Variants in FILIP1L observed in about 807,000 individuals in gnomAD.
The protein encoded by FILIP1L is filamin A-interacting protein 1-like.
In FILIP1L, 55 loss-of-function variants were observed where a neutral mutation model predicts 96.6. The ratio of observed to expected loss-of-function variants is 0.57; its 90% CI spans 0.46 to 0.71. The LOEUF (loss-of-function observed/expected upper bound fraction) is 0.71. Ranked by LOEUF, FILIP1L falls within the 30% of genes least tolerant of loss-of-function variation. The pLI is 0.00. For synonymous variants in FILIP1L, 467 were observed against 473.9 expected (o/e 0.99, Z 0.19); for missense variants, 1,304 against 1,321.2 (o/e 0.99, Z 0.20).
chr3:100,005,200 C>T (rs1055493610), intron 1 of FILIP1L, among the ~76,000 whole-genome samples: 2 of 152,134 alleles, frequency 1.3e-5, no homozygotes, highest in Non-Finnish European at 2.9e-5. Context: ...TGTATAGCAC[C>T]TTGTATTGTT....
At chr3:100,011,077 G>A (rs576060670) in intron 1 of FILIP1L, among the ~76,000 whole-genome samples, 1 of 152,260 alleles carries the variant, frequency 6.6e-6, no homozygotes, top group South Asian at 2.1e-4. Context: ...CTTGTGGTCT[G>A]TGATAATAGA....
chr3:99,952,361 C>T (rs1053042793), intron 1 of FILIP1L, among the ~76,000 whole-genome samples: 1 of 152,272 alleles, frequency 6.6e-6, no homozygotes, highest in Non-Finnish European at 1.5e-5. Flanking sequence ...ACATTTTCCT[C>T]AGCTGTTCTT....
intron 1 of FILIP1L, among the ~76,000 whole-genome samples, chr3:99,974,219 T>C (rs1708902747): frequency 6.6e-6 from 1 of 152,250 alleles, no homozygotes; most frequent in Non-Finnish European, 1.5e-5. Context: ...GAAGGACTTG[T>C]CGTTTTTATC....
chr3:99,908,825 A>G (rs139295068), intron 4 of FILIP1L, among the ~76,000 whole-genome samples: 300 of 152,162 alleles, frequency 2.0e-3, no homozygotes, highest in African/African-American at 6.8e-3. Flanking sequence ...TATTTTTTGT[A>G]TAGAATATAC....
chr3:100,046,490 C>G (rs2065281277), intron 1 of FILIP1L, among the ~76,000 whole-genome samples: 1 of 151,018 alleles, frequency 6.6e-6, no homozygotes, highest in Non-Finnish European at 1.5e-5. Flanking sequence ...ATCTCTAGAG[C>G]TTGTTGTATA....
At chr3:99,919,533 A>T (rs1459275819) in intron 4 of FILIP1L, among the ~76,000 whole-genome samples, 1 of 151,690 alleles carries the variant, frequency 6.6e-6, no homozygotes, top group Admixed American at 6.6e-5. Flanking sequence ...AATGAGTTTA[A>T]CCTAAAAATT....
chr3:99,972,908 G>T (rs1708864312), intron 1 of FILIP1L, among the ~76,000 whole-genome samples: 1 of 152,174 alleles, frequency 6.6e-6, no homozygotes, highest in Non-Finnish European at 1.5e-5. Context: ...TTGTGAGAGG[G>T]TTTGTTACAA....
chr3:99,830,764 T>A (rs972906608), intron 5 of FILIP1L, among the ~76,000 whole-genome samples, 159 bp from the exon 6 acceptor site: 2 of 152,210 alleles, frequency 1.3e-5, no homozygotes, highest in Non-Finnish European at 2.9e-5. Context: ...GAAAAGAATG[T>A]CAGTAAAGTA....
At chr3:100,028,416 G>T (rs573386860) in intron 1 of FILIP1L, among the ~76,000 whole-genome samples, 1 of 152,266 alleles carries the variant, frequency 6.6e-6, no homozygotes, top group Admixed American at 6.5e-5. Context: ...GCAACAGCTG[G>T]TGGTTGTTTG....
chr3:99,982,514 T>A (rs930629342), intron 1 of FILIP1L, among the ~76,000 whole-genome samples: 7 of 152,126 alleles, frequency 4.6e-5, no homozygotes, highest in African/African-American at 1.4e-4. Context: ...CTAATTTTTT[T>A]ATTTTTTTAT....
At chr3:100,094,624 T>A (rs2066169992) in intron 1 of FILIP1L, among the ~76,000 whole-genome samples, 1 of 151,826 alleles carries the variant, frequency 6.6e-6, no homozygotes, top group Admixed American at 6.6e-5. Context: ...AGATTCATTT[T>A]TTTCCTATGG....
In FILIP1L at chr3:99,848,194, G is replaced by A. The variant is rs931882088; in HGVS notation, c.3381+101C>T. On this transcript the variant is annotated intron_variant, in intron 5 of 5. Transcript: ENST00000477258. The stretch of plus-strand genomic sequence containing the variant: ...CCAAAGTACGAGTTCAGTCAGTCTT[G>A]GGGGATATGGAGGGATGATTAAAAA... 3.8e-6 allele frequency: 6 copies of A among 1,560,502 alleles called. No individual in the cohort carries two copies. The African/African-American group carries it at 8.1e-5, about 21-fold the overall frequency.
At position 99,993,482 on chromosome 3, in the gene FILIP1L, C is replaced by T. The variant is rs191220303; in HGVS notation, c.-10-62452G>A. ...AATGCCTCTTATTTCTTTCTCTTAC[C>T]TGACTGCTCTGATGAAGACTTTGAT... On this transcript the variant is annotated intron_variant, in intron 1 of 5. Transcript: ENST00000477258. 1.4e-3 allele frequency among the ~76,000 whole-genome samples: 213 copies of T among 152,078 alleles called. 1 individual carries two copies. Among genetic ancestry groups the T allele is most frequent in the African/African-American group, 4.8e-3 (201 of 41,492 alleles).
In FILIP1L at chr3:99,950,649, A is replaced by G. The variant is rs139937871; in HGVS notation, c.-10-19619T>C. Among the ~76,000 whole-genome samples the G allele has an allele frequency of 7.3e-3, 1,107 of 152,282 alleles. 18 individuals carry two copies. Among genetic ancestry groups the G allele is most frequent in the African/African-American group, 0.025 (1,020 of 41,554 alleles). ...TGACTATCCCCACTCACCATTTCCAATATTCGCCTCCCCAGACAGAAAGAG... is the reference window on the plus strand; with the variant it reads ...TGACTATCCCCACTCACCATTTCCAGTATTCGCCTCCCCAGACAGAAAGAG... On this transcript the variant is annotated intron_variant, in intron 1 of 5. Transcript: ENST00000477258.
intron 1 of FILIP1L, among the ~76,000 whole-genome samples, chr3:100,043,852 A>G (rs891935715): frequency 6.6e-6 from 1 of 152,222 alleles, no homozygotes; most frequent in Non-Finnish European, 1.5e-5. Context: ...TGAAATATGC[A>G]GTATGTTATT....
intron 1 of FILIP1L, among the ~76,000 whole-genome samples, chr3:99,988,341 C>CAA (rs63321762): frequency 0.019 from 1,176 of 62,246 alleles, 55 homozygotes; most frequent in Non-Finnish European, 0.028. Flanking sequence ...ACTAAAAATC[C>CAA]AAAAAAAAAA....
intron 1 of FILIP1L, among the ~76,000 whole-genome samples, chr3:100,054,270 G>A (rs2065423127): frequency 6.6e-6 from 1 of 152,046 alleles, no homozygotes; most frequent in South Asian, 2.1e-4. Context: ...CTTGCTTGAT[G>A]GTTTTTTGAA....
At chr3:99,926,004 C>A in intron 3 of FILIP1L, 4 of 348,112 alleles carry the variant, frequency 1.1e-5, no homozygotes, top group Non-Finnish European at 1.2e-5. Context: ...TGAAAACACC[C>A]GACTTTCTAG....
At chr3:99,900,816 C>T (rs529835232) in intron 4 of FILIP1L, among the ~76,000 whole-genome samples, 3 of 152,288 alleles carry the variant, frequency 2.0e-5, no homozygotes, top group South Asian at 4.1e-4. Flanking sequence ...TGATGTGCCC[C>T]GGTTATCAGG....
Sources: allele counts gnomAD v4.1 joint callset (sites outside exome capture counted in the v4.1 genomes callset), GRCh38; gene constraint gnomAD v4.1.1; transcripts MANE v1.5; gene names NCBI Gene and HGNC (gene_info 2026-07-23, HGNC 2026-07-21).